Variants in HMCN2 observed in about 807,000 individuals in gnomAD.
The protein encoded by HMCN2 is hemicentin-2.
In HMCN2, 325 loss-of-function variants were observed where a neutral mutation model predicts 377.5. That is an observed-to-expected ratio of 0.86 (90% CI 0.79 to 0.94). The LOEUF (loss-of-function observed/expected upper bound fraction) is 0.94, where lower values mean the gene tolerates loss of function less well. Ranked by LOEUF, HMCN2 falls within the 40% of genes least tolerant of loss-of-function variation. The probability of loss-of-function intolerance (pLI) is 0.00; values close to 1 mark genes in which losing one functional copy is unlikely to be tolerated. For synonymous variants in HMCN2, 2,007 were observed against 2,046.8 expected (o/e 0.98, Z 0.53); for missense variants, 4,543 against 4,725.3 (o/e 0.96, Z 1.13).
At chr9:130,284,454 T>A (rs1397901417) in intron 1 of HMCN2, 149 bp from the exon 2 acceptor site, 6 of 388,992 alleles carry the variant, frequency 1.5e-5, no homozygotes, top group Non-Finnish European at 3.1e-5. Flanking sequence ...ATCCTGCAGC[T>A]CCGGGAGCTG....
intron 4 of HMCN2, among the ~76,000 whole-genome samples, chr9:130,292,088 G>C (rs1466322360): frequency 2.0e-5 from 3 of 151,802 alleles, no homozygotes; most frequent in Non-Finnish European, 4.4e-5. Flanking sequence ...TTTGATGAAG[G>C]CTGAACTTTT....
chr9:130,271,590 T>G lies in HMCN2; in HGVS notation c.259+5453T>G, dbSNP rs564262269. Among the ~76,000 whole-genome samples the G allele has an allele frequency of 7.4e-4, 111 of 149,112 alleles. 8 individuals carry two copies. Among genetic ancestry groups the G allele is most frequent in the Admixed American group, 1.7e-3 (25 of 14,922 alleles). Reference sequence around the variant, plus strand: ...TCTTGTTGTGCACGTGTGTTTTTTGTTTTTGTTTTTGTTTTCGTTTTTCCC... The same window carrying G: ...TCTTGTTGTGCACGTGTGTTTTTTGGTTTTGTTTTTGTTTTCGTTTTTCCC... On this transcript the variant is annotated intron_variant, in intron 1 of 97. Coordinates refer to ENST00000683500, the MANE Select transcript of HMCN2 (RefSeq NM_001291815.2).
chr9:130,420,598 A>G (rs543567587), intron 86 of HMCN2, among the ~76,000 whole-genome samples: 32 of 151,922 alleles, frequency 2.1e-4, no homozygotes, highest in Non-Finnish European at 3.8e-4. Flanking sequence ...TCTTCTGAAC[A>G]CTGTGGGGAG....
At position 130,427,377 on chromosome 9, in the gene HMCN2, T is replaced by C. The variant is rs1018850890; in HGVS notation, c.13942+2T>C. 1 of 1,550,486 alleles carries C rather than the reference T, an allele frequency of 6.4e-7. No individual in the cohort carries two copies. Among genetic ancestry groups the C allele is most frequent in the Admixed American group, 2.0e-5 (1 of 50,962 alleles). On this transcript the variant is annotated splice_donor_variant, in intron 91 of 97. Coordinates refer to ENST00000683500, the MANE Select transcript of HMCN2 (RefSeq NM_001291815.2). LOFTEE classifies it high-confidence loss of function. Reference sequence around the variant, plus strand: ...ACTCCCAGGGAGCGTTTTGTGTGGGTGAGCGCCCCCAACCCTGGCATGGAT... The same window carrying C: ...ACTCCCAGGGAGCGTTTTGTGTGGGCGAGCGCCCCCAACCCTGGCATGGAT...
intron 85 of HMCN2, among the ~76,000 whole-genome samples, chr9:130,417,538 C>CA (rs869110055): frequency 2.2e-4 from 8 of 36,656 alleles, no homozygotes; most frequent in Non-Finnish European, 2.5e-4. Flanking sequence ...AAAAAAAAAA[C>CA]AAAAAAAAAC....
chr9:130,359,289 C>T, intron 36 of HMCN2, 30 bp from the exon 37 acceptor site: 1 of 1,242,214 alleles, frequency 8.1e-7, no homozygotes, highest in African/African-American at 1.5e-5. Flanking sequence ...TTGCACCTAC[C>T]AAGCTGGGTC....
chr9:130,322,656 G>A (rs1364138683), intron 19 of HMCN2, among the ~76,000 whole-genome samples: 6 of 152,068 alleles, frequency 3.9e-5, no homozygotes, highest in Non-Finnish European at 7.3e-5. Flanking sequence ...AGGTGACCAC[G>A]TACCTACGTG....
rs542177867 is a variant in HMCN2, at chr9:130,349,023, C to A, written c.4195C>A (p.Gln1399Lys). 46 of 1,304,192 alleles carry A rather than the reference C, an allele frequency of 3.5e-5. No individual in the cohort carries two copies. The East Asian group carries it at 2.3e-3, about 65-fold the overall frequency. 80.8% of individuals were successfully genotyped at this position (1,304,192 alleles called of 1,614,324 possible). Residue 1399 changes from glutamine (Q) to lysine (K), a missense_variant, in exon 28 of 98, where the codon CAG (glutamine) becomes AAG (lysine). Transcript: ENST00000683500. ...VGGHRLLDEGQSLHFPRIQEG... is the reference protein window; with the variant it reads ...VGGHRLLDEGKSLHFPRIQEG... ...CGGCCACCGCCTCCTGGACGAGGGC[C>A]AGTCCCTCCACTTCCCCAGGATCCA...
At chr9:130,389,297 CAGTCACAG>C (rs1842177462) in intron 62 of HMCN2, among the ~76,000 whole-genome samples, 1 of 152,182 alleles carries the variant, frequency 6.6e-6, no homozygotes, top group Non-Finnish European at 1.5e-5. Context: ...ATTTGTAGTA[CAGTCACAG>C]AGTTGTGTGA....
In HMCN2 at chr9:130,404,974, GGGACAAAGAT is replaced by G; in HGVS notation, c.12257_12266del (p.Asp4086AlafsTer21). On this transcript the variant is annotated frameshift_variant, in exon 81 of 98. Coordinates refer to ENST00000683500, the MANE Select transcript of HMCN2 (RefSeq NM_001291815.2). LOFTEE classifies it high-confidence loss of function. Reference sequence around the variant, plus strand: ...GGCAGTCCTGAGCCCAACATCACCTGGGACAAAGATGGCCAGCCTGTGTCGGGCGCCGAGG... The same window carrying G: ...GGCAGTCCTGAGCCCAACATCACCTGGGCCAGCCTGTGTCGGGCGCCGAGG... 7.8e-7 allele frequency: 1 copy of G among 1,289,536 alleles called. No individual in the cohort carries two copies. Among genetic ancestry groups the G allele is most frequent in the Non-Finnish European group, 1.0e-6 (1 of 988,744 alleles). The allele number at this position is 1,289,536 out of a possible 1,614,324, so 79.9% of individuals were successfully genotyped here. A position where few individuals can be genotyped will look rare whatever the true frequency, so the allele number is the denominator to read the frequency against.
Position 130,422,535 on chromosome 9 carries a change from G to T in HMCN2, c.13232-42G>T. The T allele has an allele frequency of 7.7e-7, 1 of 1,290,850 alleles. No individual in the cohort carries two copies. The highest frequency in any genetic ancestry group is 9.9e-7 in the Non-Finnish European group (1 of 1,011,410). The allele number at this position is 1,290,850 out of a possible 1,614,324, so 80.0% of individuals were successfully genotyped here. A position where few individuals can be genotyped will look rare whatever the true frequency, so the allele number is the denominator to read the frequency against. ...GCCTGCTTGTGCTGTGGGCCCCGGG[G>T]TGGATAGTCAGTGGCACTGTCATTC... On this transcript the variant is annotated intron_variant, in intron 86 of 97. Coordinates refer to ENST00000683500, the MANE Select transcript of HMCN2 (RefSeq NM_001291815.2). This position sits in a 1 kb window ranked among gnomAD's most constrained non-coding sequence, Gnocchi z 4.2.
At chr9:130,429,379 G>C (rs1388303566) in intron 93 of HMCN2, 178 bp from the exon 94 acceptor site, 2 of 711,778 alleles carry the variant, frequency 2.8e-6, no homozygotes, top group Non-Finnish European at 4.6e-6. Context: ...GAACCCTGTT[G>C]ACCTCCAACC....
chr9:130,383,660 C>A (rs1007403833), intron 57 of HMCN2, 60 bp downstream of exon 57: 2 of 791,902 alleles, frequency 2.5e-6, no homozygotes, highest in African/African-American at 1.9e-5. Flanking sequence ...GGGGGCACTG[C>A]CTTGGGGCTT....
At chr9:130,328,381 G>A (rs1838259399) in intron 22 of HMCN2, among the ~76,000 whole-genome samples, 1 of 152,218 alleles carries the variant, frequency 6.6e-6, no homozygotes, top group African/African-American at 2.4e-5. Flanking sequence ...CTCCGCGGCT[G>A]GGTGGTGGCC....
intron 31 of HMCN2, 74 bp from the exon 32 acceptor site, chr9:130,354,689 G>A: frequency 8.4e-7 from 1 of 1,186,696 alleles, no homozygotes; most frequent in African/African-American, 1.6e-5. Flanking sequence ...GGCTTCAGCG[G>A]GCCTGTTGGG....
At chr9:130,424,169 A>T (rs113455193) in intron 87 of HMCN2, among the ~76,000 whole-genome samples, 6,003 of 68,322 alleles carry the variant, frequency 0.088, 135 homozygotes, top group East Asian at 0.13. Context: ...ATATATATAT[A>T]TTTTTTTTTT....
chr9:130,393,429 C>A lies in HMCN2; in HGVS notation c.10234+120C>A. The A allele has an allele frequency of 1.8e-6, 1 of 541,184 alleles. No individual in the cohort carries two copies. 33.5% of individuals were successfully genotyped at this position (541,184 alleles called of 1,614,324 possible). On this transcript the variant is annotated intron_variant, in intron 67 of 97. Coordinates refer to ENST00000683500, the MANE Select transcript of HMCN2 (RefSeq NM_001291815.2). This position sits in a 1 kb window ranked among gnomAD's most constrained non-coding sequence, Gnocchi z 5.2. ...TGGGCCCTGGGGGCGTCGAGGAGAG[C>A]GGACACTGCGGCTCAGTCTCTGACT...
chr9:130,383,422 G>A (rs919053228), intron 56 of HMCN2, 82 bp from the exon 57 acceptor site: 17 of 572,198 alleles, frequency 3.0e-5, no homozygotes, highest in South Asian at 7.7e-5. Context: ...GGGATGGGAG[G>A]GATTCCTCGC....
Position 130,375,599 on chromosome 9 carries a change from C to A in HMCN2, c.7667C>A (p.Ala2556Glu). The A allele has an allele frequency of 1.0e-6, 1 of 985,852 alleles. No homozygotes were observed. The highest frequency in any genetic ancestry group is 1.2e-6 in the Non-Finnish European group (1 of 829,954). The allele number at this position is 985,852 out of a possible 1,614,324, so 61.1% of individuals were successfully genotyped here. ...PTILGGAEDS[A>E]DEEVTVTVNN... ...ATCCTGGGAGGGGCCGAGGACAGTG[C>A]AGATGAGGAGGTGACCGTGACTGTC... Residue 2556 changes from alanine to glutamate, a missense_variant, in exon 50 of 98, where the codon GCA becomes GAA. Physicochemically the swap from Ala to Glu is moderately radical, Grantham distance 107. Coordinates refer to ENST00000683500, the MANE Select transcript of HMCN2 (RefSeq NM_001291815.2).
Sources: gnomAD v4.1 joint callset for allele counts (sites outside exome capture counted in the v4.1 genomes callset) on GRCh38, gnomAD v4.1.1 for gene constraint, Gnocchi (gnomAD v3.1) non-coding constraint, MANE v1.5 for transcripts, NCBI Gene and HGNC (gene_info 2026-07-23, HGNC 2026-07-21) for gene names.